The following ZAP70 variants were observed in gnomAD, a reference collection of about 807,000 sequenced individuals.
The protein encoded by ZAP70 is zeta chain of T cell receptor associated protein kinase 70, also known as tyrosine-protein kinase ZAP-70.
A neutral mutation model predicts 65.8 loss-of-function variants in ZAP70; 27 were observed. That is an observed-to-expected ratio of 0.41 (90% CI 0.30 to 0.57). The LOEUF (loss-of-function observed/expected upper bound fraction) is 0.57, where lower values mean the gene tolerates loss of function less well. Ranked by LOEUF, ZAP70 falls within the 20% of genes least tolerant of loss-of-function variation. The probability of loss-of-function intolerance (pLI) is 0.28; values close to 1 mark genes in which losing one functional copy is unlikely to be tolerated. For missense variants in ZAP70, 696 were observed against 870.5 expected (o/e 0.80, Z 2.52); for synonymous variants, 363 against 360.8 (o/e 1.01, Z -0.07).
the ZAP70 span, among the ~76,000 whole-genome samples, chr2:97,746,351 A>G: frequency 1.3e-5 from 2 of 152,222 alleles, no homozygotes; most frequent in Admixed American, 1.3e-4. Flanking sequence ...TTTTAAAAAT[A>G]GCTTAAAAAA....
chr2:97,746,391 C>G, the ZAP70 span, among the ~76,000 whole-genome samples: 3 of 152,316 alleles, frequency 2.0e-5, no homozygotes, highest in Admixed American at 6.5e-5. Context: ...TATACAGTTA[C>G]TCTCTGTAAG....
the ZAP70 span, among the ~76,000 whole-genome samples, chr2:97,750,372 G>A: frequency 2.0e-5 from 3 of 152,210 alleles, no homozygotes; most frequent in Non-Finnish European, 4.4e-5. Context: ...TAGCTTATTT[G>A]GGGGGTGGGT....
chr2:97,744,165 C>T (rs1037096670), downstream of ZAP70, among the ~76,000 whole-genome samples: 3 of 152,194 alleles, frequency 2.0e-5, no homozygotes, highest in Non-Finnish European at 4.4e-5. Flanking sequence ...CAGCGAAACC[C>T]TATCCACTCC....
At chr2:97,740,154 C>A (rs72951167), downstream of ZAP70, among the ~76,000 whole-genome samples, 1,531 of 152,190 alleles carry the variant, frequency 0.01, 33 homozygotes, top group African/African-American at 0.035. Context: ...GTTAGGATCA[C>A]CTGGAGCTAT....
chr2:97,725,414 A>G (rs1378019618), intron 4 of ZAP70, among the ~76,000 whole-genome samples, 162 bp downstream of exon 4: 1 of 152,160 alleles, frequency 6.6e-6, no homozygotes, highest in Non-Finnish European at 1.5e-5. Flanking sequence ...GGACTTGCAC[A>G]TGGGGAAGTA....
At chr2:97,727,542 C>T (rs1030381969) in intron 4 of ZAP70, among the ~76,000 whole-genome samples, 47 of 152,194 alleles carry the variant, frequency 3.1e-4, no homozygotes, top group Non-Finnish European at 6.6e-4. Context: ...ATGCTCATAT[C>T]CCCCTCGTCC....
chr2:97,733,776 C>T (rs1164289517), intron 8 of ZAP70, 181 bp downstream of exon 8: 16 of 731,134 alleles, frequency 2.2e-5, no homozygotes, highest in African/African-American at 3.5e-5. Flanking sequence ...TGCACATGTA[C>T]GTCCCAGTGT....
rs569385766 is a variant in ZAP70, at chr2:97,738,611, C to G, written c.1736+504C>G. ...TCAACTCCTAACACCATCAGTATCCCAACTTCCCATCAGACAACAGGCAAC... is the reference window on the plus strand; with the variant it reads ...TCAACTCCTAACACCATCAGTATCCGAACTTCCCATCAGACAACAGGCAAC... On this transcript the variant is annotated intron_variant, in intron 13 of 13. Transcript: ENST00000264972. 5 of 213,112 alleles carry G rather than the reference C, an allele frequency of 2.3e-5. No homozygotes were observed. The East Asian group carries it at 5.6e-4, about 24-fold the overall frequency. 13.2% of individuals were successfully genotyped at this position (213,112 alleles called of 1,614,324 possible). A position where few individuals can be genotyped will look rare whatever the true frequency, so the allele number is the denominator to read the frequency against.
chr2:97,732,961 C>T lies in ZAP70; in HGVS notation c.642C>T (p.Ser214=). Residue 214 remains serine, a synonymous_variant, in exon 5 of 14, where the codon AGC becomes AGT. Transcript: ENST00000264972. ...AGACGGTGTACCACTACCTCATCAG[C>T]CAAGACAAGGCGGGCAAGTACTGCA... is the stretch of plus-strand genomic sequence containing the variant. ...YGKTVYHYLI[S]QDKAGKYCIP... 1 of 1,614,136 alleles carries T rather than the reference C, an allele frequency of 6.2e-7. No homozygotes were observed.
At chr2:97,741,862 C>T (rs762687793), downstream of ZAP70, among the ~76,000 whole-genome samples, 4 of 152,224 alleles carry the variant, frequency 2.6e-5, no homozygotes, top group Non-Finnish European at 5.9e-5. Flanking sequence ...CACACAGGCT[C>T]AGGGTGATAA....
intron 4 of ZAP70, 52 bp from the exon 5 acceptor site, chr2:97,732,831 A>T: frequency 6.2e-7 from 1 of 1,611,340 alleles, no homozygotes. Context: ...GGGGCACAGC[A>T]GGAGGCCCCC....
At chr2:97,717,902 C>T (rs1009368918) in intron 2 of ZAP70, among the ~76,000 whole-genome samples, 2 of 152,158 alleles carry the variant, frequency 1.3e-5, no homozygotes, top group African/African-American at 4.8e-5. Context: ...CCAAGGCTTC[C>T]TCCCATCATC....
chr2:97,756,224 C>G, the ZAP70 span: 1 of 152,146 alleles, frequency 6.6e-6, no homozygotes, highest in African/African-American at 2.4e-5. Flanking sequence ...AAGGCAAACC[C>G]CGTCTTAACC....
At chr2:97,728,480 C>A (rs2104674488) in intron 4 of ZAP70, among the ~76,000 whole-genome samples, 1 of 152,316 alleles carries the variant, frequency 6.6e-6, no homozygotes, top group Admixed American at 6.5e-5. Context: ...ACTGTGAGAG[C>A]TTCTTCTTGT....
chr2:97,738,151 A>G (rs975134810), intron 13 of ZAP70, 44 bp downstream of exon 13: 2 of 1,536,602 alleles, frequency 1.3e-6, no homozygotes, highest in African/African-American at 2.7e-5. Context: ...TGACCCCTGG[A>G]AAGTCCTGGT....
chr2:97,733,385 T>C, intron 7 of ZAP70, 42 bp downstream of exon 7: 1 of 1,591,462 alleles, frequency 6.3e-7, no homozygotes, highest in South Asian at 1.1e-5. Flanking sequence ...GGGATGGAGC[T>C]GGGGAGTGGC....
rs564724192 is a variant in ZAP70, at chr2:97,722,806, C to T, written c.-21-1210C>T. Among the ~76,000 whole-genome samples, 3 of 152,376 alleles carry T rather than the reference C, an allele frequency of 2.0e-5. No homozygotes were observed. In the South Asian group the frequency reaches 6.2e-4, roughly 32 times the overall value. On this transcript the variant is annotated intron_variant, in intron 2 of 13. Transcript: ENST00000264972. ...TATCCTTTTATCCATCCCTCTCGCT[C>T]TGTTCGTCCATCGGTCAGTGTTATT...
the ZAP70 span, among the ~76,000 whole-genome samples, chr2:97,754,677 A>G: frequency 6.6e-6 from 1 of 152,190 alleles, no homozygotes; most frequent in Non-Finnish European, 1.5e-5. Context: ...TGCTGGGACT[A>G]CAGGTGTGAG....
At chr2:97,742,048 T>C (rs1287072041), downstream of ZAP70, among the ~76,000 whole-genome samples, 1 of 152,094 alleles carries the variant, frequency 6.6e-6, no homozygotes, top group African/African-American at 2.4e-5. Flanking sequence ...GCAGGAATAG[T>C]GTGTAGTGGG....
Sources: gnomAD v4.1 joint callset for allele counts (sites outside exome capture counted in the v4.1 genomes callset) on GRCh38, gnomAD v4.1.1 for gene constraint, MANE v1.5 for transcripts, NCBI Gene and HGNC (gene_info 2026-07-23, HGNC 2026-07-21) for gene names.